TCF7L2: variants seen among roughly 807,000 people sequenced by gnomAD.
The protein encoded by TCF7L2 is transcription factor 7 like 2.
Under a neutral mutation model 77.9 loss-of-function variants are expected in TCF7L2, and 23 were observed. The observed-to-expected ratio is 0.30, with a 90% confidence interval of 0.21 to 0.42. The LOEUF is 0.42. Ranked by LOEUF, TCF7L2 falls within the 10% of genes least tolerant of loss-of-function variation. The probability of loss-of-function intolerance (pLI) is 1.00; values close to 1 mark genes in which losing one functional copy is unlikely to be tolerated. For missense variants in TCF7L2, 654 were observed against 793.1 expected (o/e 0.82, Z 2.11); for synonymous variants, 413 against 340.2 (o/e 1.21, Z -2.36).
intron 4 of TCF7L2, among the ~76,000 whole-genome samples, chr10:112,985,889 T>TGTGTGTGTGTGC (rs2041426425): frequency 1.3e-5 from 2 of 151,736 alleles, no homozygotes; most frequent in Admixed American, 1.3e-4. Flanking sequence ...TGTGTGTGTG[T>TGTGTGTGTGTGC]GTGCATTCTT....
rs1282171067 is a variant in TCF7L2 at position 113,151,878 on chromosome 10, G to A, written c.1155G>A (p.Gly385=). Residue 385 remains glycine, a synonymous_variant, in exon 10 of 14, where the codon GGG becomes GGA. Transcript: ENST00000627217. The surrounding 1 kb of genome is among the most constrained non-coding windows in gnomAD (Gnocchi z 5.2). ...GCGCGGCCATCAACCAGATCCTTGG[G>A]CGGAGGGTAGGTGACGCCCTTCTCA... 1 of 1,602,604 alleles carries A rather than the reference G, an allele frequency of 6.2e-7. No homozygotes were observed. The highest frequency in any genetic ancestry group is 8.5e-7 in the Non-Finnish European group (1 of 1,176,812).
intron 5 of TCF7L2, among the ~76,000 whole-genome samples, chr10:113,130,835 G>A (rs901162566): frequency 1.3e-5 from 2 of 151,502 alleles, no homozygotes; most frequent in Non-Finnish European, 2.9e-5. Flanking sequence ...GCGAGATCTC[G>A]GCTCACTGCA....
chr10:113,160,549 G>A, intron 12 of TCF7L2: 1 of 1,404,958 alleles, frequency 7.1e-7, no homozygotes, highest in Middle Eastern at 1.8e-4. Context: ...AGCTGTAGCT[G>A]AGATTTCACA....
At chr10:113,081,620 C>CT (rs1410873845) in intron 5 of TCF7L2, among the ~76,000 whole-genome samples, 2 of 152,280 alleles carry the variant, frequency 1.3e-5, no homozygotes, top group African/African-American at 2.4e-5. Context: ...GACAGAGACT[C>CT]TGTCAGTTGC....
At chr10:113,133,609 A>G (rs2066938291) in intron 5 of TCF7L2, among the ~76,000 whole-genome samples, 1 of 152,202 alleles carries the variant, frequency 6.6e-6, no homozygotes, top group East Asian at 1.9e-4. Context: ...GAGAATTTGG[A>G]TGAAAACTGA....
intron 5 of TCF7L2, among the ~76,000 whole-genome samples, chr10:113,053,501 C>T (rs2054824898): frequency 6.6e-6 from 1 of 152,162 alleles, no homozygotes; most frequent in African/African-American, 2.4e-5. Flanking sequence ...CATGCACTGT[C>T]CTGGAGCCTC....
rs1589556610 is a variant in TCF7L2 at position 112,950,774 on chromosome 10, C to T, written c.18C>T (p.Gly6=). 1 of 1,576,992 alleles carries T rather than the reference C, an allele frequency of 6.3e-7. No homozygotes were observed. The highest frequency in any genetic ancestry group is 2.3e-5 in the East Asian group (1 of 44,212). Residue 6 remains glycine, a synonymous_variant, in exon 1 of 14, where the codon GGC becomes GGT. Coordinates refer to ENST00000627217, the MANE Select transcript of TCF7L2 (RefSeq NM_001146274.2). Reference sequence around the variant, plus strand: ...AAAAAAAAATGCCGCAGCTGAACGGCGGTGGAGGGGATGACCTAGGCGCCA... The same window carrying T: ...AAAAAAAAATGCCGCAGCTGAACGGTGGTGGAGGGGATGACCTAGGCGCCA...
intron 4 of TCF7L2, among the ~76,000 whole-genome samples, chr10:112,967,112 T>G (rs2037119382): frequency 6.6e-6 from 1 of 152,228 alleles, no homozygotes; most frequent in Non-Finnish European, 1.5e-5. Flanking sequence ...ATGAAATTGT[T>G]CCCAAAGTAC....
At chr10:113,080,089 A>G (rs940724518) in intron 5 of TCF7L2, among the ~76,000 whole-genome samples, 1 of 151,940 alleles carries the variant, frequency 6.6e-6, no homozygotes, top group African/African-American at 2.4e-5. Flanking sequence ...GCCCACATAC[A>G]CAGCCCACAT....
intron 4 of TCF7L2, among the ~76,000 whole-genome samples, chr10:112,966,211 T>TATATATATATA (rs57702716): frequency 5.8e-5 from 8 of 137,478 alleles, no homozygotes; most frequent in African/African-American, 2.1e-4. Context: ...TATATATATA[T>TATATATATATA]TTTCTTTTCT....
rs763342653 is a variant in TCF7L2, at chr10:113,089,449, C to T, written c.552+49323C>T. The T allele has an allele frequency of 3.1e-6, 5 of 1,613,712 alleles. No homozygotes were observed. The East Asian group carries it at 6.7e-5, about 22-fold the overall frequency. ...GGACATGACTGTCAGCACTTCTACCCCCCCTCAGACTTCACTGTCAGCACT... is the reference window on the plus strand; with the variant it reads ...GGACATGACTGTCAGCACTTCTACCTCCCCTCAGACTTCACTGTCAGCACT... On this transcript the variant is annotated intron_variant, in intron 5 of 13. Coordinates refer to ENST00000627217, the MANE Select transcript of TCF7L2 (RefSeq NM_001146274.2).
intron 13 of TCF7L2, chr10:113,161,685 C>T (rs2073183895): frequency 6.9e-7 from 1 of 1,459,850 alleles, no homozygotes; most frequent in Non-Finnish European, 9.3e-7. Context: ...ATGACTTTGC[C>T]ATGTGCTCCG....
At chr10:113,117,143 A>G (rs1489022399) in intron 5 of TCF7L2, among the ~76,000 whole-genome samples, 1 of 152,232 alleles carries the variant, frequency 6.6e-6, no homozygotes, top group Non-Finnish European at 1.5e-5. Flanking sequence ...AACTGCTTTG[A>G]AAGAACGCCT....
chr10:113,092,331 A>C (rs2060486438), intron 5 of TCF7L2, among the ~76,000 whole-genome samples: 1 of 152,236 alleles, frequency 6.6e-6, no homozygotes, highest in Non-Finnish European at 1.5e-5. Flanking sequence ...CAACTTGGGC[A>C]AGTTACCCGA....
chr10:113,067,430 G>A (rs1429417581), intron 5 of TCF7L2, among the ~76,000 whole-genome samples: 1 of 152,150 alleles, frequency 6.6e-6, no homozygotes, highest in Non-Finnish European at 1.5e-5. Context: ...GTCAGTTTGG[G>A]TTGGAAGTGA....
At chr10:113,059,393 A>G (rs2056033960) in intron 5 of TCF7L2, among the ~76,000 whole-genome samples, 1 of 149,448 alleles carries the variant, frequency 6.7e-6, no homozygotes, top group African/African-American at 2.5e-5. Flanking sequence ...ATTCAAAAAT[A>G]TTTTGTTACT....
At chr10:112,993,164 G>C (rs2042884455) in intron 4 of TCF7L2, among the ~76,000 whole-genome samples, 1 of 152,130 alleles carries the variant, frequency 6.6e-6, no homozygotes, top group South Asian at 2.1e-4. Flanking sequence ...ACTCCATTTT[G>C]TGAATCAGAG....
chr10:112,996,354 C>T (rs540217588), intron 4 of TCF7L2, among the ~76,000 whole-genome samples: 3 of 152,120 alleles, frequency 2.0e-5, no homozygotes, highest in African/African-American at 7.2e-5. Flanking sequence ...CCGAGGAGAG[C>T]CTCAATATTT....
intron 12 of TCF7L2, 132 bp downstream of exon 12, chr10:113,158,201 C>T (rs2072365450): frequency 4.4e-6 from 4 of 899,734 alleles, no homozygotes; most frequent in Non-Finnish European, 5.1e-6. Context: ...CTTAGCTAGC[C>T]TTTTTGTTTA....
Sources: gnomAD v4.1 joint callset for allele counts (sites outside exome capture counted in the v4.1 genomes callset) on GRCh38, gnomAD v4.1.1 for gene constraint, Gnocchi (gnomAD v3.1) non-coding constraint, MANE v1.5 for transcripts, NCBI Gene and HGNC (gene_info 2026-07-23, HGNC 2026-07-21) for gene names.